INPP4A: variants seen among roughly 807,000 people sequenced by gnomAD.
The protein encoded by INPP4A is inositol polyphosphate-4-phosphatase type I A.
In INPP4A, 33 loss-of-function variants were observed where a neutral mutation model predicts 119.8. The observed-to-expected ratio is 0.28, with a 90% CI of 0.21 to 0.37. The LOEUF (loss-of-function observed/expected upper bound fraction) is 0.37, where lower values mean the gene tolerates loss of function less well. Ranked by LOEUF, INPP4A falls within the 10% of genes least tolerant of loss-of-function variation. The probability of loss-of-function intolerance (pLI) is 1.00; values close to 1 mark genes in which losing one functional copy is unlikely to be tolerated. For missense variants in INPP4A, 956 were observed against 1,289.9 expected (o/e 0.74, Z 3.97); for synonymous variants, 496 against 500.7 (o/e 0.99, Z 0.12).
chr2:98,483,303 A>G (rs1430167824), intron 1 of INPP4A, among the ~76,000 whole-genome samples: 2 of 152,164 alleles, frequency 1.3e-5, no homozygotes, highest in Non-Finnish European at 2.9e-5. Context: ...TTTGTGACCC[A>G]GTCAGTCCTA....
rs1370290308 is a variant in INPP4A at position 98,570,632 on chromosome 2, C to T, written c.2518+1964C>T. ...AGGGGCCATGGGAGTGCTCAAAGGT[C>T]CGAGGGAAGGAGAACACACAGGGCT... On this transcript the variant is annotated intron_variant, in intron 22 of 24. Transcript: ENST00000409851. The surrounding 1 kb of genome is among the most constrained non-coding windows in gnomAD (Gnocchi z 4.3). Among the ~76,000 whole-genome samples, 1 of 151,958 alleles carries T rather than the reference C, an allele frequency of 6.6e-6. No homozygotes were observed. The highest frequency in any genetic ancestry group is 1.5e-5 in the Non-Finnish European group (1 of 67,976).
intron 7 of INPP4A, 46 bp from the exon 8 acceptor site, chr2:98,537,817 A>C: frequency 1.4e-6 from 2 of 1,410,274 alleles, no homozygotes; most frequent in South Asian, 1.2e-5. Flanking sequence ...AGCAGAAAAG[A>C]AGCACAGTTG....
At chr2:98,459,129 C>T (rs563532376) in intron 1 of INPP4A, among the ~76,000 whole-genome samples, 1 of 152,372 alleles carries the variant, frequency 6.6e-6, no homozygotes, top group African/African-American at 2.4e-5. Flanking sequence ...GCCGCTCACT[C>T]ATGAGACAAG....
intron 1 of INPP4A, among the ~76,000 whole-genome samples, chr2:98,517,001 C>A (rs1214700166): frequency 6.6e-6 from 1 of 152,026 alleles, no homozygotes; most frequent in African/African-American, 2.4e-5. Flanking sequence ...ATAAAAATCA[C>A]CTGTGTACAG....
chr2:98,506,979 C>T (rs939082405), intron 1 of INPP4A, among the ~76,000 whole-genome samples: 4 of 152,320 alleles, frequency 2.6e-5, no homozygotes, highest in African/African-American at 7.2e-5. Context: ...GGAGAGTCTG[C>T]GGTCTGGGGT....
At chr2:98,582,312 TG>T (rs1211873961) in intron 24 of INPP4A, among the ~76,000 whole-genome samples, 2 of 152,260 alleles carry the variant, frequency 1.3e-5, no homozygotes, top group African/African-American at 4.8e-5. Flanking sequence ...GCAAACAGTT[TG>T]CAGAATCCTA....
At chr2:98,521,535 C>A (rs1003190436) in intron 4 of INPP4A, 2 of 152,206 alleles carry the variant, frequency 1.3e-5, no homozygotes, top group Non-Finnish European at 2.9e-5. Context: ...TCCTGTGCTA[C>A]GTGAGGATGC....
At chr2:98,536,239 A>T (rs761738524) in intron 7 of INPP4A, 31 bp downstream of exon 7, 6 of 1,356,856 alleles carry the variant, frequency 4.4e-6, no homozygotes, top group Non-Finnish European at 5.3e-6. Flanking sequence ...CCTTGAAAGG[A>T]TCTGGAATCA....
At chr2:98,538,859 GT>G (rs1211416645) in intron 8 of INPP4A, 31 bp from the exon 9 acceptor site, 1 of 1,326,006 alleles carries the variant, frequency 7.5e-7, no homozygotes, top group Admixed American at 1.7e-5. Flanking sequence ...GAATCTCACA[GT>G]TTTCTTGTGC....
chr2:98,475,846 T>G lies in INPP4A; in HGVS notation c.-166+30761T>G, dbSNP rs151219390. ...GGGGAGCCTGTGTGTCCACCTTGCC[T>G]GCCACTAATTTTAAATAACAGTGTG... On this transcript the variant is annotated intron_variant, in intron 1 of 24. Transcript: ENST00000409851. Among the ~76,000 whole-genome samples, 543 of 152,366 alleles carry G rather than the reference T, an allele frequency of 3.6e-3. 4 individuals carry two copies. Among genetic ancestry groups the G allele is most frequent in the African/African-American group, 0.013 (527 of 41,576 alleles).
Position 98,444,941 on chromosome 2 carries a change from C to A in INPP4A, c.-310C>A, listed in dbSNP as rs1473635900. On this transcript the variant is annotated 5_prime_UTR_variant, in exon 1 of 25. Transcript: ENST00000409851. The stretch of plus-strand genomic sequence containing the variant: ...TTGCCGCCGGGTCGGGCTCCGTGGG[C>A]CGGGGCAGGAGGACCAGCACCTGAG... 1 of 151,028 alleles carries A rather than the reference C, an allele frequency of 6.6e-6. No individual in the cohort carries two copies. The highest frequency in any genetic ancestry group is 6.6e-5 in the Admixed American group (1 of 15,156). 9.4% of individuals were successfully genotyped at this position (151,028 alleles called of 1,614,324 possible). A position where few individuals can be genotyped will look rare whatever the true frequency, so the allele number is the denominator to read the frequency against.
intron 4 of INPP4A, 63 bp downstream of exon 4, chr2:98,520,794 C>A: frequency 1.1e-6 from 1 of 913,248 alleles, no homozygotes. Flanking sequence ...AAAACAAAAA[C>A]ACTACCACCA....
In INPP4A at chr2:98,543,958, C is replaced by A; in HGVS notation, c.900C>A (p.Thr300=). The A allele has an allele frequency of 6.3e-7, 1 of 1,593,328 alleles. No individual in the cohort carries two copies. Among genetic ancestry groups the A allele is most frequent in the Non-Finnish European group, 8.6e-7 (1 of 1,169,268 alleles). ...GCCAAATTGTCACCCAGTACCAGAC[C>A]ATCATCCTCACATACCAGGAGAACC... is the stretch of plus-strand genomic sequence containing the variant. The part of the protein sequence containing the change: ...LRRQIVTQYQ[T]IILTYQENLT... Residue 300 remains threonine, a synonymous_variant, in exon 11 of 25, where the codon ACC becomes ACA. Transcript: ENST00000409851.
intron 24 of INPP4A, among the ~76,000 whole-genome samples, chr2:98,579,742 C>T (rs1205749798): frequency 6.6e-6 from 1 of 152,266 alleles, no homozygotes; most frequent in Non-Finnish European, 1.5e-5. Context: ...TCCACCCTGC[C>T]CTCTTCCTTT....
At chr2:98,568,437 G>GGAGAGTGGC in intron 21 of INPP4A, 134 bp from the exon 22 acceptor site, 1 of 623,208 alleles carries the variant, frequency 1.6e-6, no homozygotes. Context: ...CTCGGAAGAG[G>GGAGAGTGGC]GAGAGTGGCT....
At chr2:98,555,849 C>T (rs1694385026) in intron 16 of INPP4A, 41 bp downstream of exon 16, 2 of 1,520,092 alleles carry the variant, frequency 1.3e-6, no homozygotes, top group Non-Finnish European at 1.8e-6. Context: ...GCCTCCATTT[C>T]ACCTTGTGCT....
Position 98,520,721 on chromosome 2 carries a change from A to G in INPP4A, c.141A>G (p.Glu47=). Residue 47 remains glutamate, a synonymous_variant, in exon 4 of 25, where the codon GAA becomes GAG. Coordinates refer to ENST00000409851, the MANE Select transcript of INPP4A (RefSeq NM_001134225.2). Reference sequence around the variant, plus strand: ...AAGACCCAGATGAGCCCATTTTAGAATTTAGCTTAGGTAGGTATCTTTCAT... The same window carrying G: ...AAGACCCAGATGAGCCCATTTTAGAGTTTAGCTTAGGTAGGTATCTTTCAT... ...NIQDPDEPIL[E]FSLACSELHT... is the part of the protein sequence containing the mutation. The G allele has an allele frequency of 2.0e-6, 3 of 1,484,614 alleles. No individual in the cohort carries two copies. The highest frequency in any genetic ancestry group is 2.5e-5 in the South Asian group (2 of 78,942). The allele number at this position is 1,484,614 out of a possible 1,614,324, so 92.0% of individuals were successfully genotyped here.
At chr2:98,564,867 A>G in intron 19 of INPP4A, 104 bp downstream of exon 19, 1 of 1,337,264 alleles carries the variant, frequency 7.5e-7, no homozygotes, top group Non-Finnish European at 1.0e-6. Context: ...TGCTTATTGA[A>G]ATAAATCCAA....
chr2:98,565,229 T>C (rs1696211953), intron 19 of INPP4A, among the ~76,000 whole-genome samples: 2 of 152,370 alleles, frequency 1.3e-5, no homozygotes, highest in East Asian at 3.9e-4. Context: ...TTGTTAATCA[T>C]TGGAAATTGA....
Sources: gnomAD v4.1 joint callset for allele counts (sites outside exome capture counted in the v4.1 genomes callset) on GRCh38, gnomAD v4.1.1 for gene constraint, Gnocchi (gnomAD v3.1) non-coding constraint, MANE v1.5 for transcripts, NCBI Gene and HGNC (gene_info 2026-07-23, HGNC 2026-07-21) for gene names.